Variants in FNBP1L observed in about 807,000 individuals in gnomAD.
The protein encoded by FNBP1L is formin binding protein 1 like.
FNBP1L carries 36 observed loss-of-function variants against 91.2 expected under a neutral mutation model. The ratio of observed to expected loss-of-function variants is 0.39; its 90% confidence interval spans 0.30 to 0.52. FNBP1L has a LOEUF of 0.52. Ranked by LOEUF, FNBP1L falls within the 20% of genes least tolerant of loss-of-function variation. The pLI is 0.66. For synonymous variants in FNBP1L, 242 were observed against 237.0 expected, an observed-to-expected ratio of 1.02 and a Z score of -0.19; for missense variants, 571 against 732.1, an observed-to-expected ratio of 0.78 and a Z score of 2.54.
Position 93,536,448 on chromosome 1 carries a change from A to G in FNBP1L, c.1107A>G (p.Thr369=). ...PVHYCMNEIK[T]GKPRIPSFRS... is the part of the protein sequence containing the mutation. ...ATTATTGTATGAATGAAATAAAAAC[A>G]GGGAAGCCCAGAATTCCTTCTTTCA... Residue 369 remains threonine (T), a synonymous_variant, in exon 10 of 17, where the codon ACA becomes ACG. Coordinates refer to ENST00000271234, the MANE Select transcript of FNBP1L (RefSeq NM_001164473.3). 6.5e-7 allele frequency: 1 copy of G among 1,549,838 alleles called. No individual in the cohort carries two copies.
At chr1:93,551,699 T>C in intron 16 of FNBP1L, 3 of 984,894 alleles carry the variant, frequency 3.0e-6, no homozygotes, top group Non-Finnish European at 2.4e-6. Context: ...GCACATAATC[T>C]ATTTAAGTAG....
chr1:93,468,134 A>T (rs1208455227), intron 1 of FNBP1L, among the ~76,000 whole-genome samples: 1 of 152,160 alleles, frequency 6.6e-6, no homozygotes, highest in Non-Finnish European at 1.5e-5. Context: ...CAGCCCTAGG[A>T]AACCACTAAT....
chr1:93,532,204 C>G lies in FNBP1L; in HGVS notation c.640-718C>G, dbSNP rs1212984218. On this transcript the variant is annotated intron_variant, in intron 7 of 16. Transcript: ENST00000271234. ...TCAGACTTGGCCGGGGGCAGTGGCT[C>G]ACGCCTGTAATCCCAGCACTTTGGG... Among the ~76,000 whole-genome samples, 3 of 152,036 alleles carry G rather than the reference C, an allele frequency of 2.0e-5. No homozygotes were observed. The East Asian group carries it at 5.8e-4, about 29-fold the overall frequency.
intron 10 of FNBP1L, among the ~76,000 whole-genome samples, 169 bp from the exon 11 acceptor site, chr1:93,540,873 A>C (rs1199214128): frequency 7.2e-6 from 1 of 139,022 alleles, no homozygotes. Context: ...CAAGTAATTT[A>C]CTTTCCCAAA....
chr1:93,553,364 C>T lies in FNBP1L; in HGVS notation c.*948C>T, dbSNP rs1672479080. The T allele has an allele frequency of 6.5e-6, 1 of 152,816 alleles. No homozygotes were observed. Among genetic ancestry groups the T allele is most frequent in the East Asian group, 1.9e-4 (1 of 5,188 alleles). 9.5% of individuals were successfully genotyped at this position (152,816 alleles called of 1,614,324 possible). ...GTATCCCACAAAGGGCTTTATGTGT[C>T]AGCTCAGTGCGACCTGCTTTAACTC... On this transcript the variant is annotated 3_prime_UTR_variant, in exon 17 of 17. Coordinates refer to ENST00000271234, the MANE Select transcript of FNBP1L (RefSeq NM_001164473.3).
chr1:93,545,088 AT>A (rs1325273649), intron 12 of FNBP1L, among the ~76,000 whole-genome samples: 1 of 152,014 alleles, frequency 6.6e-6, no homozygotes, highest in Non-Finnish European at 1.5e-5. Flanking sequence ...ATTAACTTTG[AT>A]TTTTTTCTAA....
At chr1:93,536,544 G>T (rs1354182817) in intron 10 of FNBP1L, 54 bp downstream of exon 10, 2 of 1,449,074 alleles carry the variant, frequency 1.4e-6, no homozygotes, top group Non-Finnish European at 1.8e-6. Flanking sequence ...GTGTAGTGTG[G>T]CTTTTAATAC....
chr1:93,465,812 T>C (rs1669056126), intron 1 of FNBP1L, among the ~76,000 whole-genome samples: 1 of 152,236 alleles, frequency 6.6e-6, no homozygotes, highest in Non-Finnish European at 1.5e-5. Context: ...TAATTTACAG[T>C]CCCACCAACA....
At chr1:93,539,504 T>C (rs1313942554) in intron 10 of FNBP1L, among the ~76,000 whole-genome samples, 1 of 152,028 alleles carries the variant, frequency 6.6e-6, no homozygotes, top group East Asian at 1.9e-4. Context: ...AAGACTAGAT[T>C]AACAAATAGC....
chr1:93,524,535 T>G (rs971440800), intron 5 of FNBP1L, among the ~76,000 whole-genome samples: 18 of 151,578 alleles, frequency 1.2e-4, no homozygotes, highest in Non-Finnish European at 2.4e-4. Context: ...AACTCTATAC[T>G]TAAGAACTCT....
chr1:93,518,688 T>A (rs1246509721), intron 2 of FNBP1L, among the ~76,000 whole-genome samples: 1 of 152,216 alleles, frequency 6.6e-6, no homozygotes, highest in African/African-American at 2.4e-5. Flanking sequence ...CTGCCACTCC[T>A]CCTCCTATAG....
intron 5 of FNBP1L, among the ~76,000 whole-genome samples, chr1:93,526,765 AG>A (rs1671508824): frequency 6.6e-6 from 1 of 152,162 alleles, no homozygotes; most frequent in South Asian, 2.1e-4. Flanking sequence ...ATTATCTTTC[AG>A]GGAAGGAGCA....
At chr1:93,484,300 G>A (rs1479392959) in intron 1 of FNBP1L, among the ~76,000 whole-genome samples, 1 of 152,118 alleles carries the variant, frequency 6.6e-6, no homozygotes, top group African/African-American at 2.4e-5. Flanking sequence ...GTCTCTTCTA[G>A]CTGTAAAGGC....
intron 10 of FNBP1L, among the ~76,000 whole-genome samples, chr1:93,540,777 G>T (rs533310985): frequency 6.6e-6 from 1 of 150,614 alleles, no homozygotes; most frequent in East Asian, 1.9e-4. Context: ...CATGATTACA[G>T]GTAGAATGTT....
intron 7 of FNBP1L, 127 bp from the exon 8 acceptor site, chr1:93,532,795 G>A: frequency 1.8e-6 from 1 of 571,056 alleles, no homozygotes; most frequent in Non-Finnish European, 2.9e-6. Context: ...CTTGTTAAAA[G>A]GTATTAACAA....
chr1:93,489,681 C>T (rs896627795), intron 1 of FNBP1L, among the ~76,000 whole-genome samples: 8 of 151,866 alleles, frequency 5.3e-5, no homozygotes, highest in African/African-American at 1.7e-4. Context: ...CCCAAATATG[C>T]GAGTTTTCCC....
intron 2 of FNBP1L, among the ~76,000 whole-genome samples, chr1:93,511,967 A>C (rs1242312039): frequency 1.5e-4 from 1 of 6,846 alleles, no homozygotes; most frequent in African/African-American, 2.3e-4. Context: ...CTCCGTCTCA[A>C]AAAAAAAAAA....
At chr1:93,489,756 A>G (rs1670034459) in intron 1 of FNBP1L, among the ~76,000 whole-genome samples, 1 of 152,214 alleles carries the variant, frequency 6.6e-6, no homozygotes, top group Non-Finnish European at 1.5e-5. Flanking sequence ...TAAAAATTCT[A>G]CAATATTTCT....
At chr1:93,480,685 A>G (rs1483640610) in intron 1 of FNBP1L, among the ~76,000 whole-genome samples, 1 of 151,744 alleles carries the variant, frequency 6.6e-6, no homozygotes, top group Non-Finnish European at 1.5e-5. Flanking sequence ...TCCTGGGTTC[A>G]TGCCATTCTC....
Sources: allele counts gnomAD v4.1 joint callset (sites outside exome capture counted in the v4.1 genomes callset), GRCh38; gene constraint gnomAD v4.1.1; transcripts MANE v1.5; gene names NCBI Gene and HGNC (gene_info 2026-07-23, HGNC 2026-07-21).